Variants in FANCB observed in about 807,000 individuals in gnomAD.
FANCB encodes Fanconi anemia group B protein.
Under a neutral mutation model 38.9 loss-of-function variants are expected in FANCB, and 5 were observed. That is an observed-to-expected ratio of 0.13 (90% CI 0.07 to 0.27). FANCB has a LOEUF of 0.27. FANCB is among the 10% of genes least tolerant of loss of function. The pLI, the probability that FANCB is intolerant of heterozygous loss-of-function variation, is 1.00. For synonymous variants in FANCB, 236 were observed against 215.4 expected (o/e 1.10, Z -0.84); for missense variants, 573 against 602.7 (o/e 0.95, Z 0.52).
chrX:14,871,638 G>GTATATATATATATATA (rs1406401370), intron 1 of FANCB, among the ~76,000 whole-genome samples: 5 of 109,498 alleles, frequency 4.6e-5, no homozygotes, highest in African/African-American at 1.7e-4. Context: ...GTGTGTGTGT[G>GTATATATATATATATA]TGTATATATA....
At chrX:14,731,412 G>GTAT in the FANCB span, 1 of 111,873 alleles carries the variant, frequency 8.9e-6, no homozygotes, top group African/African-American at 3.3e-5. Context: ...CTCAGCTACA[G>GTAT]TATTTATGGA....
the FANCB span, among the ~76,000 whole-genome samples, chrX:14,743,865 T>G: frequency 8.9e-6 from 1 of 111,816 alleles, no homozygotes; most frequent in Non-Finnish European, 1.9e-5. Context: ...CTCCAACTTC[T>G]GCCTCTGCCT....
At chrX:14,782,257 A>T in the FANCB span, among the ~76,000 whole-genome samples, 1 of 112,137 alleles carries the variant, frequency 8.9e-6, no homozygotes, top group East Asian at 2.8e-4. Flanking sequence ...AGAGCCCACC[A>T]GGAAAGAGAA....
chrX:14,835,753 A>G (rs919564913), downstream of FANCB, among the ~76,000 whole-genome samples: 5 of 112,060 alleles, frequency 4.5e-5, no homozygotes, highest in Non-Finnish European at 7.5e-5. Context: ...GATGGCCACT[A>G]TCAAAAGAAC....
the FANCB span, among the ~76,000 whole-genome samples, chrX:14,717,097 A>G: frequency 9.0e-6 from 1 of 111,609 alleles, no homozygotes; most frequent in Admixed American, 9.5e-5. Flanking sequence ...GTGCTTCCAG[A>G]GCCAAGTCCA....
chrX:14,735,136 T>C, the FANCB span, among the ~76,000 whole-genome samples: 2 of 109,840 alleles, frequency 1.8e-5, no homozygotes, highest in Non-Finnish European at 3.8e-5. Context: ...CCTCTAACCT[T>C]TTTTTCAAGG....
At chrX:14,777,173 A>G in the FANCB span, among the ~76,000 whole-genome samples, 1 of 112,006 alleles carries the variant, frequency 8.9e-6, no homozygotes, top group African/African-American at 3.2e-5. Flanking sequence ...ACCAATCATT[A>G]CAATACTGAA....
At chrX:14,777,559 C>T in the FANCB span, among the ~76,000 whole-genome samples, 5 of 112,083 alleles carry the variant, frequency 4.5e-5, no homozygotes, top group Admixed American at 9.5e-5. Context: ...ATTTCAATTA[C>T]TCTGGCTTTC....
At chrX:14,712,918 ATCTTCCAAGTT>A in the FANCB span, among the ~76,000 whole-genome samples, 1 of 111,887 alleles carries the variant, frequency 8.9e-6, no homozygotes, top group Non-Finnish European at 1.9e-5. Flanking sequence ...TGCTTTCCAG[ATCTTCCAAGTT>A]TCTCTTACTG....
the FANCB span, among the ~76,000 whole-genome samples, chrX:14,812,828 A>G: frequency 1.8e-5 from 2 of 111,276 alleles, no homozygotes; most frequent in Admixed American, 1.9e-4. Context: ...GGCCAGCATC[A>G]TCCTGATACC....
chrX:14,823,079 C>CTTT, the FANCB span, among the ~76,000 whole-genome samples: 21,041 of 70,667 alleles, frequency 0.3, 3,037 homozygotes, highest in East Asian at 0.58. Context: ...TACCCTTTTA[C>CTTT]TTTTTTTTTT....
chrX:14,731,412 G>A, the FANCB span: 1 of 111,873 alleles, frequency 8.9e-6, no homozygotes, highest in Non-Finnish European at 1.9e-5. Flanking sequence ...CTCAGCTACA[G>A]TATTTATGGA....
At chrX:14,815,990 A>T in the FANCB span, among the ~76,000 whole-genome samples, 1 of 112,002 alleles carries the variant, frequency 8.9e-6, no homozygotes, top group Non-Finnish European at 1.9e-5. Flanking sequence ...GTGTAGAATA[A>T]CAGACATTGG....
chrX:14,747,579 C>T, the FANCB span, among the ~76,000 whole-genome samples: 2 of 112,538 alleles, frequency 1.8e-5, no homozygotes, highest in Non-Finnish European at 3.7e-5. Flanking sequence ...CCAAATACAA[C>T]TGGCATTTAG....
chrX:14,814,047 CAA>C, the FANCB span, among the ~76,000 whole-genome samples: 1 of 111,607 alleles, frequency 9.0e-6, no homozygotes, highest in East Asian at 2.8e-4. Context: ...CTGATTTTGA[CAA>C]ATCTGACAAA....
At chrX:14,738,755 C>T in the FANCB span, among the ~76,000 whole-genome samples, 1 of 112,298 alleles carries the variant, frequency 8.9e-6, no homozygotes, top group Non-Finnish European at 1.9e-5. Flanking sequence ...ACAAACCAGA[C>T]TGGCTGTAGA....
At chrX:14,837,886 A>G (rs753651940) in intron 10 of FANCB, among the ~76,000 whole-genome samples, 4 of 111,856 alleles carry the variant, frequency 3.6e-5, no homozygotes, top group Non-Finnish European at 5.6e-5. Context: ...CAGTTTCTTT[A>G]TCGATAAACA....
At chrX:14,731,088 G>C in the FANCB span, 1 of 111,954 alleles carries the variant, frequency 8.9e-6, no homozygotes, top group Non-Finnish European at 1.9e-5. Context: ...TGTAATTAGT[G>C]TTTCACTTGA....
chrX:14,748,883 AG>A, the FANCB span, among the ~76,000 whole-genome samples: 1 of 112,196 alleles, frequency 8.9e-6, no homozygotes, highest in South Asian at 3.7e-4. Flanking sequence ...TCCTACACTA[AG>A]GTTCTTCCAC....
Sources: allele counts gnomAD v4.1 joint callset (sites outside exome capture counted in the v4.1 genomes callset), GRCh38; gene constraint gnomAD v4.1.1; transcripts MANE v1.5; gene names NCBI Gene and HGNC (gene_info 2026-07-23, HGNC 2026-07-21).